The following ARHGAP24 variants were observed in gnomAD, a reference collection of about 807,000 sequenced individuals.
ARHGAP24 encodes the protein rho GTPase-activating protein 24.
A neutral mutation model predicts 76.4 loss-of-function variants in ARHGAP24; 50 were observed. The observed-to-expected ratio is 0.65, with a 90% CI of 0.52 to 0.83. The LOEUF is 0.83. ARHGAP24 is among the 40% of genes least tolerant of loss of function. ARHGAP24 has a pLI of 0.00. For synonymous variants in ARHGAP24, 345 were observed against 323.3 expected (o/e 1.07, Z -0.72); for missense variants, 930 against 914.2 (o/e 1.02, Z -0.22).
At chr4:85,821,490 C>T (rs1205990479) in intron 3 of ARHGAP24, among the ~76,000 whole-genome samples, 1 of 152,178 alleles carries the variant, frequency 6.6e-6, no homozygotes, top group Non-Finnish European at 1.5e-5. Flanking sequence ...CTCCCTGCCT[C>T]AGTCTCTTGG....
chr4:85,894,579 G>A (rs1176606703), intron 3 of ARHGAP24, among the ~76,000 whole-genome samples: 1 of 152,116 alleles, frequency 6.6e-6, no homozygotes, highest in Non-Finnish European at 1.5e-5. Context: ...AATCACTAAG[G>A]AATTTAATAA....
intron 1 of ARHGAP24, among the ~76,000 whole-genome samples, chr4:85,483,674 A>G (rs1722905753): frequency 6.6e-6 from 1 of 152,154 alleles, no homozygotes; most frequent in South Asian, 2.1e-4. Flanking sequence ...AAATTGTTTC[A>G]TATGTTTTAA....
Position 85,773,719 on chromosome 4 carries a change from G to A in ARHGAP24, c.268+51747G>A, listed in dbSNP as rs555352125. ...ATATGGGCTCAACAAATATAGGCAC[G>A]TCAATAAATTCAAGGAAGAAGAAAA... On this transcript the variant is annotated intron_variant, in intron 3 of 9. Transcript: ENST00000395184. 4.3e-4 allele frequency among the ~76,000 whole-genome samples: 65 copies of A among 152,202 alleles called. No homozygotes were observed. In the South Asian group the frequency reaches 6.0e-3, roughly 14 times the overall value.
chr4:85,524,835 C>A (rs1001661755), intron 1 of ARHGAP24, among the ~76,000 whole-genome samples: 5 of 152,258 alleles, frequency 3.3e-5, no homozygotes, highest in Non-Finnish European at 7.4e-5. Flanking sequence ...TGTGCAAATT[C>A]TCAGGCTGTA....
chr4:85,854,105 A>G (rs1731407918), intron 3 of ARHGAP24, among the ~76,000 whole-genome samples: 1 of 146,520 alleles, frequency 6.8e-6, no homozygotes, highest in East Asian at 2.0e-4. Flanking sequence ...ATTGCCCTCC[A>G]GCATGGGTGA....
intron 2 of ARHGAP24, among the ~76,000 whole-genome samples, chr4:85,667,367 A>G (rs533585287): frequency 6.6e-6 from 1 of 152,130 alleles, no homozygotes; most frequent in Non-Finnish European, 1.5e-5. Flanking sequence ...CAGTATTAGG[A>G]TGGGAGTGAC....
intron 1 of ARHGAP24, among the ~76,000 whole-genome samples, chr4:85,526,859 A>T (rs1725023966): frequency 6.6e-6 from 1 of 152,172 alleles, no homozygotes; most frequent in Non-Finnish European, 1.5e-5. Context: ...TTAATAATAG[A>T]TGCATACGTA....
chr4:85,856,689 T>C (rs1731593759), intron 3 of ARHGAP24, among the ~76,000 whole-genome samples: 1 of 152,084 alleles, frequency 6.6e-6, no homozygotes, highest in African/African-American at 2.4e-5. Flanking sequence ...CAAGCTAGTC[T>C]TGGCACCTGA....
intron 3 of ARHGAP24, among the ~76,000 whole-genome samples, chr4:85,764,645 C>T (rs1475110408): frequency 6.6e-6 from 1 of 151,778 alleles, no homozygotes; most frequent in Non-Finnish European, 1.5e-5. Context: ...TTTTTTTTTA[C>T]CAGCAGTGAA....
chr4:85,931,108 C>T, intron 4 of ARHGAP24: 2 of 1,481,044 alleles, frequency 1.4e-6, no homozygotes, highest in East Asian at 5.0e-5. Context: ...GCTTTAAGGT[C>T]TGTTTATGCT....
chr4:85,785,487 TA>T (rs1440872312), intron 3 of ARHGAP24, among the ~76,000 whole-genome samples: 1 of 152,118 alleles, frequency 6.6e-6, no homozygotes, highest in African/African-American at 2.4e-5. Flanking sequence ...TTGTTGTTGT[TA>T]TTTTGTTTTG....
At chr4:85,744,634 C>T (rs1441679681) in intron 3 of ARHGAP24, among the ~76,000 whole-genome samples, 1 of 152,128 alleles carries the variant, frequency 6.6e-6, no homozygotes. Flanking sequence ...CTAAACCCTC[C>T]ATCCTCCACC....
At chr4:85,507,770 G>A (rs1279606601) in intron 1 of ARHGAP24, among the ~76,000 whole-genome samples, 1 of 152,164 alleles carries the variant, frequency 6.6e-6, no homozygotes, top group Non-Finnish European at 1.5e-5. Context: ...TACTTGTAGG[G>A]ACAGGTTCTT....
chr4:85,995,678 G>GT (rs781148091), intron 9 of ARHGAP24, 21 bp downstream of exon 9: 2 of 1,606,566 alleles, frequency 1.2e-6, no homozygotes, highest in Non-Finnish European at 8.5e-7. Flanking sequence ...TCTGGAGGTC[G>GT]TAACTACCAG....
At chr4:85,632,348 ATGTGTCACGTAAC>A (rs1398630223) in intron 2 of ARHGAP24, among the ~76,000 whole-genome samples, 1 of 152,062 alleles carries the variant, frequency 6.6e-6, no homozygotes, top group East Asian at 1.9e-4. Flanking sequence ...AACTTAAGTT[ATGTGTCACGTAAC>A]TGGAGAACTG....
At chr4:85,630,912 A>T (rs1275886293) in intron 2 of ARHGAP24, among the ~76,000 whole-genome samples, 1 of 152,092 alleles carries the variant, frequency 6.6e-6, no homozygotes, top group Non-Finnish European at 1.5e-5. Flanking sequence ...TCTTTGTGAT[A>T]CATAGTGTTA....
intron 2 of ARHGAP24, among the ~76,000 whole-genome samples, chr4:85,574,868 C>T (rs1727307174): frequency 1.3e-5 from 2 of 152,158 alleles, no homozygotes; most frequent in Admixed American, 6.5e-5. Flanking sequence ...ATTCAACTTG[C>T]ACCTTGCCTT....
chr4:85,608,262 G>A (rs1160781201), intron 2 of ARHGAP24, among the ~76,000 whole-genome samples: 4 of 151,996 alleles, frequency 2.6e-5, no homozygotes, highest in Non-Finnish European at 2.9e-5. Context: ...ACATAAATAC[G>A]GTATGCTAAT....
intron 3 of ARHGAP24, among the ~76,000 whole-genome samples, chr4:85,833,780 G>T (rs890791088): frequency 6.6e-6 from 1 of 152,182 alleles, no homozygotes; most frequent in African/African-American, 2.4e-5. Flanking sequence ...ATTTAGTCAA[G>T]GTGCTGAGAA....
Sources: allele counts gnomAD v4.1 joint callset (sites outside exome capture counted in the v4.1 genomes callset), GRCh38; gene constraint gnomAD v4.1.1; transcripts MANE v1.5; gene names NCBI Gene and HGNC (gene_info 2026-07-23, HGNC 2026-07-21).